RRP1B: variants seen among roughly 807,000 people sequenced by gnomAD.
The protein encoded by RRP1B is ribosomal RNA processing protein 1 homolog B.
In RRP1B, 56 loss-of-function variants were observed where a neutral mutation model predicts 80.2. The observed-to-expected ratio is 0.70, with a 90% confidence interval of 0.56 to 0.87. The LOEUF (loss-of-function observed/expected upper bound fraction) is 0.87. Among genes scored for constraint, RRP1B ranks in the 40% least tolerant of loss-of-function variants. The pLI is 0.00. For missense variants in RRP1B, 807 were observed against 939.8 expected (o/e 0.86, Z 1.85); for synonymous variants, 351 against 357.6 (o/e 0.98, Z 0.21).
At chr21:43,680,640 G>A (rs11700632) in intron 8 of RRP1B, among the ~76,000 whole-genome samples, 40,439 of 151,408 alleles carry the variant, frequency 0.27, 6,107 homozygotes, top group Admixed American at 0.34. Context: ...GGTTTATTGC[G>A]GCCTCAACCT....
intron 1 of RRP1B, among the ~76,000 whole-genome samples, chr21:43,660,996 C>G (rs2082953684): frequency 6.6e-6 from 1 of 152,162 alleles, no homozygotes; most frequent in African/African-American, 2.4e-5. Context: ...GGTACTAATA[C>G]ATTTAGAATC....
chr21:43,679,190 T>C (rs1169926806), intron 8 of RRP1B, among the ~76,000 whole-genome samples: 1 of 151,782 alleles, frequency 6.6e-6, no homozygotes, highest in East Asian at 1.9e-4. Context: ...AGTGTTCTGA[T>C]GTCTCCGGGT....
intron 1 of RRP1B, among the ~76,000 whole-genome samples, chr21:43,664,822 G>A (rs1249299043): frequency 6.6e-5 from 10 of 152,158 alleles, no homozygotes; most frequent in Non-Finnish European, 1.0e-4. Flanking sequence ...GCAGGCAAGC[G>A]GGTATGTGCA....
intron 11 of RRP1B, 43 bp from the exon 12 acceptor site, chr21:43,686,761 T>C (rs549445664): frequency 6.2e-7 from 1 of 1,611,106 alleles, no homozygotes; most frequent in South Asian, 1.1e-5. Flanking sequence ...GGCAGAGTCT[T>C]GAGCGCCTGG....
chr21:43,676,085 G>A (rs1019428775), intron 6 of RRP1B, among the ~76,000 whole-genome samples, 187 bp from the exon 7 acceptor site: 2 of 152,068 alleles, frequency 1.3e-5, no homozygotes, highest in African/African-American at 4.8e-5. Flanking sequence ...GTAGCTGGAG[G>A]GCGGCCTCAG....
intron 3 of RRP1B, 33 bp downstream of exon 3, chr21:43,672,398 A>T: frequency 6.3e-7 from 1 of 1,586,776 alleles, no homozygotes; most frequent in South Asian, 1.1e-5. Flanking sequence ...CTTCCTTCCA[A>T]GTTTTCCGAC....
intron 1 of RRP1B, among the ~76,000 whole-genome samples, chr21:43,669,007 A>G (rs969087139): frequency 6.6e-6 from 1 of 152,358 alleles, no homozygotes; most frequent in East Asian, 1.9e-4. Flanking sequence ...ATCATAGATC[A>G]TGAAGGCAGA....
chr21:43,684,155 T>C (rs2083054239), intron 9 of RRP1B, among the ~76,000 whole-genome samples: 1 of 149,474 alleles, frequency 6.7e-6, no homozygotes, highest in Non-Finnish European at 1.5e-5. Context: ...CACTGCAAGC[T>C]CTGCCTCCTG....
rs1249988695 is a variant in RRP1B, at chr21:43,688,127, C to T, written c.1753C>T (p.Leu585=). Residue 585 remains leucine (L), a synonymous_variant, in exon 13 of 16, where the codon CTG becomes TTG. Transcript: ENST00000340648. ...AGPGSLELCG[L]PSQKTASLKK... is the part of the protein sequence containing the mutation. ...GCCCGGCAGCCTGGAGCTCTGTGGCCTGCCCAGCCAGAAAACAGCAAGTTT... is the reference window on the plus strand; with the variant it reads ...GCCCGGCAGCCTGGAGCTCTGTGGCTTGCCCAGCCAGAAAACAGCAAGTTT... 2 of 1,593,678 alleles carry T rather than the reference C, an allele frequency of 1.3e-6. No homozygotes were observed. The highest frequency in any genetic ancestry group is 2.7e-5 in the African/African-American group (2 of 74,446).
chr21:43,672,131 T>C (rs537109455), intron 2 of RRP1B, among the ~76,000 whole-genome samples, 177 bp from the exon 3 acceptor site: 61 of 152,338 alleles, frequency 4.0e-4, no homozygotes, highest in African/African-American at 1.4e-3. Context: ...TCCGTCAATA[T>C]TGGAACTTAC....
In RRP1B at chr21:43,687,532, T is replaced by G. The variant is rs1462840197; in HGVS notation, c.1158T>G (p.Cys386Trp). The G allele has an allele frequency of 2.0e-6, 3 of 1,490,590 alleles. No homozygotes were observed. Among genetic ancestry groups the G allele is most frequent in the Non-Finnish European group, 2.7e-6 (3 of 1,127,360 alleles). The allele number at this position is 1,490,590 out of a possible 1,614,324, so 92.3% of individuals were successfully genotyped here. ...TCTTTTTAGGAAGCAGAGTCTTTTGTGTAGAGGAAGAGGACAGTGAAAGCA... is the reference window on the plus strand; with the variant it reads ...TCTTTTTAGGAAGCAGAGTCTTTTGGGTAGAGGAAGAGGACAGTGAAAGCA... Reference protein sequence around the residue: ...LEKEKGSRVFCVEEEDSESSL... With the variant: ...LEKEKGSRVFWVEEEDSESSL... Residue 386 changes from cysteine (C) to tryptophan (W), a missense_variant, in exon 13 of 16, where the codon TGT (cysteine) becomes TGG (tryptophan). By Grantham distance (215) the Cys-to-Trp change is radical. Transcript: ENST00000340648.
chr21:43,693,309 A>C lies in RRP1B; in HGVS notation c.2203A>C (p.Ser735Arg). 1.2e-6 allele frequency: 2 copies of C among 1,613,424 alleles called. No homozygotes were observed. The highest frequency in any genetic ancestry group is 1.7e-6 in the Non-Finnish European group (2 of 1,179,678). The change falls in exon 16 of 16, where the codon AGC becomes CGC. Residue 735 changes from serine (S) to arginine (R), a missense_variant. Transcript: ENST00000340648. The surrounding 1 kb of genome is among the most constrained non-coding windows in gnomAD (Gnocchi z 4.1). ...GAAGACCCCCACCAGCTCACCTGCC[A>C]GCTCACCCCTGGTGGCCAAGAAGCC... ...VLKTPTSSPA[S>R]SPLVAKKPLT... is the part of the protein sequence containing the mutation.
In RRP1B at chr21:43,686,822, T is replaced by G. The variant is rs761478229; in HGVS notation, c.1028T>G (p.Leu343Arg). 9.9e-6 allele frequency: 16 copies of G among 1,613,958 alleles called. No individual in the cohort carries two copies. In the Admixed American group the frequency reaches 2.7e-4, roughly 27 times the overall value. ...DLSEGSSISQLSFAEDISADE... is the reference protein window; with the variant it reads ...DLSEGSSISQRSFAEDISADE... ...CATCTAGGAAGCAGTATATCTCAAC[T>G]CAGTTTTGCGGAGGACATTTCTGCT... The change falls in exon 12 of 16, where the codon CTC (leucine) becomes CGC (arginine). Residue 343 changes from leucine to arginine, a missense_variant. Coordinates refer to ENST00000340648, the MANE Select transcript of RRP1B (RefSeq NM_015056.3).
At chr21:43,679,997 G>A (rs921690559) in intron 8 of RRP1B, among the ~76,000 whole-genome samples, 4 of 152,136 alleles carry the variant, frequency 2.6e-5, no homozygotes, top group African/African-American at 9.7e-5. Context: ...CAGCTTGGTC[G>A]TTGTTGGTGT....
chr21:43,661,103 C>G (rs1047079248), intron 1 of RRP1B, among the ~76,000 whole-genome samples: 1 of 152,174 alleles, frequency 6.6e-6, no homozygotes, highest in South Asian at 2.1e-4. Flanking sequence ...AAAGAAAATA[C>G]ACTTTCCTGG....
rs776107508 is a variant in RRP1B, at chr21:43,686,695, G to A, written c.1010-109G>A. 59 of 1,285,634 alleles carry A rather than the reference G, an allele frequency of 4.6e-5. 1 individual carries two copies. Among genetic ancestry groups the A allele is most frequent in the South Asian group, 2.4e-4 (18 of 74,546 alleles). The allele number at this position is 1,285,634 out of a possible 1,614,324, so 79.6% of individuals were successfully genotyped here. On this transcript the variant is annotated intron_variant, in intron 11 of 15. Coordinates refer to ENST00000340648, the MANE Select transcript of RRP1B (RefSeq NM_015056.3). ...CTCAGGTTTGGGTGGGAGAAACGGT[G>A]AGGAACGATGATGATGAGGCAGAAA...
At chr21:43,665,473 GT>G (rs1346934179) in intron 1 of RRP1B, among the ~76,000 whole-genome samples, 3 of 152,196 alleles carry the variant, frequency 2.0e-5, no homozygotes, top group Non-Finnish European at 2.9e-5. Flanking sequence ...CAATAAACGT[GT>G]TTTTATTAGT....
At position 43,676,837 on chromosome 21, in the gene RRP1B, G is replaced by T; in HGVS notation, c.719G>T (p.Gly240Val). Residue 240 changes from glycine to valine, a missense_variant, in exon 8 of 16, where the codon GGT (glycine) becomes GTT (valine). By Grantham distance (109) the Gly-to-Val change is moderately radical (BLOSUM62 -3). Transcript: ENST00000340648. ...ETMEEQKTKV[G>V]DGDLSAEEIP... The stretch of plus-strand genomic sequence containing the variant: ...ATGGAGGAACAGAAGACAAAAGTGG[G>T]TGATGGTGACCTCTCTGCTGAGGAG... 6.2e-7 allele frequency: 1 copy of T among 1,614,240 alleles called. No individual in the cohort carries two copies. The highest frequency in any genetic ancestry group is 8.5e-7 in the Non-Finnish European group (1 of 1,180,022).
intron 8 of RRP1B, among the ~76,000 whole-genome samples, chr21:43,681,927 G>A (rs2083045198): frequency 6.6e-6 from 1 of 152,118 alleles, no homozygotes; most frequent in Admixed American, 6.5e-5. Flanking sequence ...CTGCGTCCTG[G>A]GCAACAGAGC....
Sources: gnomAD v4.1 joint callset for allele counts (sites outside exome capture counted in the v4.1 genomes callset) on GRCh38, gnomAD v4.1.1 for gene constraint, Gnocchi (gnomAD v3.1) non-coding constraint, MANE v1.5 for transcripts, NCBI Gene and HGNC (gene_info 2026-07-23, HGNC 2026-07-21) for gene names.